DNM3: variants seen among roughly 807,000 people sequenced by gnomAD.
DNM3 encodes dynamin 3.
Under a neutral mutation model 101.6 loss-of-function variants are expected in DNM3, and 47 were observed. The observed-to-expected ratio is 0.46, with a 90% CI of 0.37 to 0.59. The LOEUF is 0.59. Ranked by LOEUF, DNM3 falls within the 20% of genes least tolerant of loss-of-function variation. The pLI, the probability that DNM3 is intolerant of heterozygous loss-of-function variation, is 0.00. For synonymous variants in DNM3, 385 were observed against 387.9 expected (o/e 0.99, Z 0.09); for missense variants, 849 against 1,085.7 (o/e 0.78, Z 3.06).
chr1:172,408,548 CTAAT>C lies in DNM3; in HGVS notation c.*710_*713del. 1.0e-6 allele frequency: 1 copy of C among 985,274 alleles called. No individual in the cohort carries two copies. The highest frequency in any genetic ancestry group is 1.2e-6 in the Non-Finnish European group (1 of 829,864). 61.0% of individuals were successfully genotyped at this position (985,274 alleles called of 1,614,324 possible). A position where few individuals can be genotyped will look rare whatever the true frequency, so the allele number is the denominator to read the frequency against. The stretch of plus-strand genomic sequence containing the variant: ...TTTGTTAATCAGTCAATAAATTTGG[CTAAT>C]TAGTTTCAGAGTTCAAGGAAGAAGC... On this transcript the variant is annotated 3_prime_UTR_variant, in exon 21 of 21. Transcript: ENST00000627582.
At chr1:171,888,640 T>G (rs2036989922) in intron 1 of DNM3, among the ~76,000 whole-genome samples, 1 of 152,208 alleles carries the variant, frequency 6.6e-6, no homozygotes, top group African/African-American at 2.4e-5. Context: ...TGTGTGGATG[T>G]GTTAGCATGA....
At chr1:172,085,897 C>G (rs1177236350) in intron 12 of DNM3, among the ~76,000 whole-genome samples, 1 of 152,032 alleles carries the variant, frequency 6.6e-6, no homozygotes, top group Non-Finnish European at 1.5e-5. Flanking sequence ...AATGTTCTCT[C>G]TCTTGTGGAA....
rs187155184 is a variant in DNM3 at position 172,111,940 on chromosome 1, A to G, written c.1545+19065A>G. Among the ~76,000 whole-genome samples, 28 of 152,248 alleles carry G rather than the reference A, an allele frequency of 1.8e-4. No homozygotes were observed. The East Asian group carries it at 4.8e-3, about 26-fold the overall frequency. ...GTTGGTGATGATGTCCATATTGCAT[A>G]CCAGAAGATTCTTTTGGAAGGATTG... On this transcript the variant is annotated intron_variant, in intron 13 of 20. Coordinates refer to ENST00000627582, the MANE Select transcript of DNM3 (RefSeq NM_015569.5).
chr1:172,177,101 C>A (rs1363264276), intron 14 of DNM3, among the ~76,000 whole-genome samples: 1 of 151,690 alleles, frequency 6.6e-6, no homozygotes, highest in East Asian at 1.9e-4. Context: ...TTTGAGAGAA[C>A]AATGATATAA....
chr1:172,171,159 A>G (rs2058944129), intron 14 of DNM3, among the ~76,000 whole-genome samples: 2 of 151,728 alleles, frequency 1.3e-5, no homozygotes, highest in Admixed American at 1.3e-4. Context: ...GATGTGAGGA[A>G]TAGCACATAA....
At chr1:172,275,125 T>A (rs2063230624) in intron 15 of DNM3, among the ~76,000 whole-genome samples, 2 of 152,200 alleles carry the variant, frequency 1.3e-5, no homozygotes, top group East Asian at 3.9e-4. Flanking sequence ...GATGCACAAG[T>A]AGAATTAGTT....
In DNM3 at chr1:172,032,402, G is replaced by A; in HGVS notation, c.590G>A (p.Gly197Asp). ...LKLAKEVDPQ[G>D]LRTIGVITKL... ...AATGTTGGGTTTGTTTATGATGCAG[G>A]TCTGAGAACCATTGGAGTTATCACC... Residue 197 changes from glycine to aspartate, a missense_variant and splice_region_variant, in exon 5 of 21, where the codon GGT becomes GAT. Physicochemically the swap from Gly to Asp is moderately conservative, Grantham distance 94. This residue lies in a region of DNM3 where 388 missense variants were observed against 483.0 expected (regional missense o/e 0.80). Transcript: ENST00000627582. 6.2e-7 allele frequency: 1 copy of A among 1,610,792 alleles called. No individual in the cohort carries two copies. The highest frequency in any genetic ancestry group is 8.5e-7 in the Non-Finnish European group (1 of 1,177,366).
intron 14 of DNM3, among the ~76,000 whole-genome samples, chr1:172,200,122 A>T (rs2060099566): frequency 6.6e-6 from 1 of 152,008 alleles, no homozygotes; most frequent in Admixed American, 6.6e-5. Flanking sequence ...TTCCCTCAAC[A>T]TTTTCTTATC....
At chr1:172,131,105 G>T (rs2056913480) in intron 13 of DNM3, 70 bp from the exon 14 acceptor site, 2 of 1,342,150 alleles carry the variant, frequency 1.5e-6, no homozygotes, top group East Asian at 4.7e-5. Flanking sequence ...TAACTTCTTA[G>T]TCCAAGACAT....
In DNM3 at chr1:171,993,377, C is replaced by T. The variant is rs532894951; in HGVS notation, c.589+4229C>T. 2.0e-5 allele frequency among the ~76,000 whole-genome samples: 3 copies of T among 151,712 alleles called. 1 individual carries two copies. In the South Asian group the frequency reaches 6.2e-4, roughly 32 times the overall value. On this transcript the variant is annotated intron_variant, in intron 4 of 20. Coordinates refer to ENST00000627582, the MANE Select transcript of DNM3 (RefSeq NM_015569.5). ...ATAATTTTTACTTAAAGTTTTTTTC[C>T]TTTCATCAATTTGAGTATGTCATCC...
intron 14 of DNM3, among the ~76,000 whole-genome samples, chr1:172,208,317 T>C (rs1047519040): frequency 6.6e-5 from 10 of 152,124 alleles, no homozygotes; most frequent in Admixed American, 5.2e-4. Context: ...GATGATTAAT[T>C]TTATGCATCA....
chr1:172,282,628 A>G (rs1365125610), intron 15 of DNM3, among the ~76,000 whole-genome samples: 1 of 152,236 alleles, frequency 6.6e-6, no homozygotes, highest in Non-Finnish European at 1.5e-5. Context: ...ATAAGGGGAT[A>G]AGGATATTCC....
intron 15 of DNM3, among the ~76,000 whole-genome samples, chr1:172,262,530 A>G (rs1048579559): frequency 1.3e-4 from 20 of 152,008 alleles, no homozygotes; most frequent in African/African-American, 4.8e-4. Flanking sequence ...TCTCATTCAC[A>G]CTTTCCCCAC....
At chr1:172,092,205 C>T (rs2053958553) in intron 12 of DNM3, among the ~76,000 whole-genome samples, 1 of 152,140 alleles carries the variant, frequency 6.6e-6, no homozygotes, top group African/African-American at 2.4e-5. Context: ...AGTTGGGACT[C>T]ATACATATTT....
chr1:172,065,299 A>C (rs4916418), intron 10 of DNM3, among the ~76,000 whole-genome samples: 113,556 of 152,100 alleles, frequency 0.75, 42,673 homozygotes, highest in East Asian at 0.86. Flanking sequence ...TAGACCTCAA[A>C]TGCTTGCGTA....
intron 15 of DNM3, among the ~76,000 whole-genome samples, chr1:172,307,252 A>G (rs138533696): frequency 6.6e-6 from 1 of 152,176 alleles, no homozygotes. Context: ...AAAAGAAAAC[A>G]TTTATGCAGA....
At chr1:172,172,278 A>G (rs1572823182) in intron 14 of DNM3, among the ~76,000 whole-genome samples, 1 of 151,766 alleles carries the variant, frequency 6.6e-6, no homozygotes, top group South Asian at 2.1e-4. Context: ...CCCCTAATTC[A>G]CAGGGACTAC....
chr1:172,264,913 G>T (rs1357304150), intron 15 of DNM3, among the ~76,000 whole-genome samples: 1 of 152,178 alleles, frequency 6.6e-6, no homozygotes, highest in African/African-American at 2.4e-5. Flanking sequence ...ATTAACTATG[G>T]AATAGGAATT....
At chr1:172,387,749 G>A (rs988625826) in intron 19 of DNM3, among the ~76,000 whole-genome samples, 2 of 151,650 alleles carry the variant, frequency 1.3e-5, no homozygotes, top group Non-Finnish European at 2.9e-5. Flanking sequence ...CCTAAACCAA[G>A]ATGGACCTAC....
Sources: allele counts gnomAD v4.1 joint callset (sites outside exome capture counted in the v4.1 genomes callset), GRCh38; gene constraint gnomAD v4.1.1; regional missense constraint gnomAD v4.1.1; transcripts MANE v1.5; gene names NCBI Gene and HGNC (gene_info 2026-07-23, HGNC 2026-07-21).